FIG4: variants seen among roughly 807,000 people sequenced by gnomAD.
FIG4 encodes the protein FIG4 phosphoinositide 5-phosphatase.
A neutral mutation model predicts 118.6 loss-of-function variants in FIG4; 112 were observed. The ratio of observed to expected loss-of-function variants is 0.94; its 90% CI spans 0.81 to 1.11. The LOEUF (loss-of-function observed/expected upper bound fraction) is 1.11, where lower values mean the gene tolerates loss of function less well. FIG4 is among the 50% of genes least tolerant of loss of function. The pLI, the probability that FIG4 is intolerant of heterozygous loss-of-function variation, is 0.00. For synonymous variants in FIG4, 369 were observed against 381.2 expected (o/e 0.97, Z 0.37); for missense variants, 969 against 1,111.7 (o/e 0.87, Z 1.83).
intron 22 of FIG4, among the ~76,000 whole-genome samples, chr6:109,819,618 G>A (rs1206784948): frequency 6.6e-5 from 10 of 152,030 alleles, no homozygotes; most frequent in Admixed American, 4.6e-4. Context: ...ACAGGTGCCC[G>A]CCACCACGAG....
chr6:109,756,313 G>T (rs1478663136), intron 10 of FIG4, among the ~76,000 whole-genome samples: 2 of 152,220 alleles, frequency 1.3e-5, no homozygotes, highest in Non-Finnish European at 2.9e-5. Flanking sequence ...TCCACTGTTA[G>T]TCTGTTGGGC....
chr6:109,785,789 T>C, intron 17 of FIG4: 2 of 451,398 alleles, frequency 4.4e-6, no homozygotes. Context: ...CAAAGTATTT[T>C]TGGTTCTTAT....
At chr6:109,732,519 G>T (rs955304323) in intron 4 of FIG4, 118 bp from the exon 5 acceptor site, 1 of 678,948 alleles carries the variant, frequency 1.5e-6, no homozygotes, top group Non-Finnish European at 2.6e-6. Flanking sequence ...GATATGGTTT[G>T]AATTCCTCAG....
At chr6:109,773,712 C>T (rs1777534508) in intron 15 of FIG4, among the ~76,000 whole-genome samples, 1 of 152,204 alleles carries the variant, frequency 6.6e-6, no homozygotes, top group African/African-American at 2.4e-5. Context: ...TACCCTGCCA[C>T]CCAGATTGGA....
rs1777954300 is a variant in FIG4 at position 109,786,313 on chromosome 6, G to A, written c.1960G>A (p.Val654Met). Residue 654 changes from valine to methionine, a missense_variant, in exon 18 of 23, where the codon GTG becomes ATG. Transcript: ENST00000230124. ...PLPYDEVICAVNLKKLIVKKF... is the reference protein window; with the variant it reads ...PLPYDEVICAMNLKKLIVKKF... ...AGTATCTCTCTTAGTTATCTGTGCT[G>A]TGAACTTAAAGAAGTTGATAGTGAA... The A allele has an allele frequency of 1.2e-6, 2 of 1,612,400 alleles. No homozygotes were observed. Among genetic ancestry groups the A allele is most frequent in the East Asian group, 2.2e-5 (1 of 44,870 alleles).
At chr6:109,727,619 A>T (rs1009957990) in intron 4 of FIG4, among the ~76,000 whole-genome samples, 9 of 152,098 alleles carry the variant, frequency 5.9e-5, no homozygotes, top group Admixed American at 2.6e-4. Context: ...AACTCCATGG[A>T]TCTCTTTGTT....
At chr6:109,743,453 TTAAA>T (rs1302542472) in intron 9 of FIG4, 181 bp downstream of exon 9, 2 of 669,820 alleles carry the variant, frequency 3.0e-6, no homozygotes, top group Non-Finnish European at 5.1e-6. Context: ...ATTTTGACTG[TTAAA>T]TAAATTATTT....
In FIG4 at chr6:109,742,176, T is replaced by C. The variant is rs569005317; in HGVS notation, c.876+632T>C. 3.2e-4 allele frequency among the ~76,000 whole-genome samples: 49 copies of C among 152,150 alleles called. 1 individual carries two copies. Among genetic ancestry groups the C allele is most frequent in the South Asian group, 1.0e-3 (5 of 4,822 alleles). ...TATATGAAATGCGGTACATGTTTAATGTAGAGACAAAAATAGCAAAGCACC... is the reference window on the plus strand; with the variant it reads ...TATATGAAATGCGGTACATGTTTAACGTAGAGACAAAAATAGCAAAGCACC... On this transcript the variant is annotated intron_variant, in intron 8 of 22. Coordinates refer to ENST00000230124, the MANE Select transcript of FIG4 (RefSeq NM_014845.6).
chr6:109,697,551 T>G (rs900093910), intron 1 of FIG4, among the ~76,000 whole-genome samples: 2 of 152,164 alleles, frequency 1.3e-5, no homozygotes, highest in Non-Finnish European at 2.9e-5. Flanking sequence ...GCCTGCTTCA[T>G]CCAGAGAGAG....
intron 1 of FIG4, among the ~76,000 whole-genome samples, chr6:109,707,339 A>C (rs1040215213): frequency 1.6e-5 from 2 of 128,216 alleles, no homozygotes; most frequent in Non-Finnish European, 3.2e-5. Flanking sequence ...AGGTATATAT[A>C]TACATATATA....
chr6:109,788,996 C>T (rs1323020325), intron 18 of FIG4, among the ~76,000 whole-genome samples: 7 of 152,230 alleles, frequency 4.6e-5, no homozygotes, highest in African/African-American at 7.2e-5. Context: ...TAAAGTGTTC[C>T]GGCAGTGTTT....
chr6:109,715,239 A>G, intron 2 of FIG4, 63 bp downstream of exon 2: 1 of 805,162 alleles, frequency 1.2e-6, no homozygotes, highest in Non-Finnish European at 2.2e-6. Context: ...AGGACATGAA[A>G]TATCCTTACA....
intron 1 of FIG4, among the ~76,000 whole-genome samples, chr6:109,703,099 A>ATT (rs35295916): frequency 9.3e-5 from 14 of 149,830 alleles, no homozygotes; most frequent in African/African-American, 1.5e-4. Flanking sequence ...ATAGAAGTTC[A>ATT]TTTTTTTTTT....
chr6:109,772,498 C>T lies in FIG4; in HGVS notation c.1751-4424C>T, dbSNP rs142463919. Reference sequence around the variant, plus strand: ...TGAGATGGAGTTTTGCTCTCGTTGCCCAGACTGGAGTGCAATGGCGCAATC... The same window carrying T: ...TGAGATGGAGTTTTGCTCTCGTTGCTCAGACTGGAGTGCAATGGCGCAATC... On this transcript the variant is annotated intron_variant, in intron 15 of 22. Coordinates refer to ENST00000230124, the MANE Select transcript of FIG4 (RefSeq NM_014845.6). Among the ~76,000 whole-genome samples the T allele has an allele frequency of 4.6e-5, 7 of 152,098 alleles. No individual in the cohort carries two copies. The East Asian group carries it at 1.4e-3, about 29-fold the overall frequency.
Position 109,741,450 on chromosome 6 carries a change from TG to T in FIG4, c.783del (p.Ile262SerfsTer10), listed in dbSNP as rs1161553940. ...IHGFCGQSKL[L>X]IYGRPVYVTL... Reference sequence around the variant, plus strand: ...CCTTAACTTGATTTCCAAGAGCTGTTGATCTATGGACGACCAGTGTATGTCA... The same window carrying T: ...CCTTAACTTGATTTCCAAGAGCTGTTATCTATGGACGACCAGTGTATGTCA... On this transcript the variant is annotated frameshift_variant, in exon 8 of 23. Coordinates refer to ENST00000230124, the MANE Select transcript of FIG4 (RefSeq NM_014845.6). LOFTEE classifies it high-confidence loss of function. 2 of 1,608,242 alleles carry T rather than the reference TG, an allele frequency of 1.2e-6. No individual in the cohort carries two copies. Among genetic ancestry groups the T allele is most frequent in the Non-Finnish European group, 1.7e-6 (2 of 1,174,940 alleles).
chr6:109,815,861 A>G (rs868132244), intron 22 of FIG4, among the ~76,000 whole-genome samples: 5 of 151,680 alleles, frequency 3.3e-5, no homozygotes, highest in Middle Eastern at 3.5e-3. Flanking sequence ...TGTTTAGATT[A>G]TGGGGGGGGG....
At chr6:109,822,787 GTA>G (rs10523453) in intron 22 of FIG4, among the ~76,000 whole-genome samples, 20,742 of 116,702 alleles carry the variant, frequency 0.18, 1,987 homozygotes, top group Non-Finnish European at 0.24. Context: ...GTGTGTGTAT[GTA>G]TATATATATA....
intron 2 of FIG4, among the ~76,000 whole-genome samples, chr6:109,715,747 T>G (rs570218597): frequency 3.9e-4 from 60 of 152,294 alleles, no homozygotes; most frequent in Admixed American, 2.1e-3. Context: ...TATATGGTGG[T>G]TTGAACAGTT....
chr6:109,820,945 C>G (rs972677013), intron 22 of FIG4, among the ~76,000 whole-genome samples: 1 of 152,092 alleles, frequency 6.6e-6, no homozygotes, highest in Non-Finnish European at 1.5e-5. Context: ...ATCTGAGAGG[C>G]CTGAGAATAG....
Sources: gnomAD v4.1 joint callset for allele counts (sites outside exome capture counted in the v4.1 genomes callset) on GRCh38, gnomAD v4.1.1 for gene constraint, MANE v1.5 for transcripts, NCBI Gene and HGNC (gene_info 2026-07-23, HGNC 2026-07-21) for gene names.